Variants in GPR137C observed in about 807,000 individuals in gnomAD.
GPR137C encodes G protein-coupled receptor 137C, also known as integral membrane protein GPR137C.
In GPR137C, 27 loss-of-function variants were observed where a neutral mutation model predicts 43.4. The ratio of observed to expected loss-of-function variants is 0.62; its 90% CI spans 0.46 to 0.86. The LOEUF (loss-of-function observed/expected upper bound fraction) is 0.86, where lower values mean the gene tolerates loss of function less well. Among genes scored for constraint, GPR137C ranks in the 40% least tolerant of loss-of-function variants. GPR137C has a pLI of 0.00. For missense variants in GPR137C, 522 were observed against 534.6 expected (o/e 0.98, Z 0.23); for synonymous variants, 285 against 226.9 (o/e 1.26, Z -2.30).
chr14:52,624,833 T>C (rs903824494), intron 3 of GPR137C, among the ~76,000 whole-genome samples: 1 of 151,982 alleles, frequency 6.6e-6, no homozygotes, highest in African/African-American at 2.4e-5. Flanking sequence ...CATCAGTCAA[T>C]TTGATCTACA....
At chr14:52,620,649 A>C (rs1285948570) in intron 3 of GPR137C, among the ~76,000 whole-genome samples, 1 of 152,006 alleles carries the variant, frequency 6.6e-6, no homozygotes, top group Non-Finnish European at 1.5e-5. Flanking sequence ...TTATCAGACA[A>C]AGCATTTATA....
At chr14:52,567,254 C>T (rs1405904599) in intron 1 of GPR137C, among the ~76,000 whole-genome samples, 1 of 152,156 alleles carries the variant, frequency 6.6e-6, no homozygotes, top group Non-Finnish European at 1.5e-5. Context: ...GTACCTACCT[C>T]ATGGGGTTGT....
intron 3 of GPR137C, among the ~76,000 whole-genome samples, chr14:52,603,946 A>G (rs1312999123): frequency 1.3e-5 from 2 of 152,056 alleles, no homozygotes; most frequent in African/African-American, 4.8e-5. Flanking sequence ...TGTCTTTTTG[A>G]TAATAACCAT....
At chr14:52,606,612 A>T (rs1285479471) in intron 3 of GPR137C, among the ~76,000 whole-genome samples, 3 of 151,914 alleles carry the variant, frequency 2.0e-5, no homozygotes, top group Non-Finnish European at 2.9e-5. Flanking sequence ...AATTTTTTAA[A>T]TTTTTTGTAG....
intron 3 of GPR137C, among the ~76,000 whole-genome samples, chr14:52,614,648 C>T (rs1003581685): frequency 7.9e-5 from 12 of 151,922 alleles, no homozygotes; most frequent in African/African-American, 1.2e-4. Flanking sequence ...CCACCATGCC[C>T]GACTAATTTT....
chr14:52,599,228 T>A (rs4901288), intron 2 of GPR137C, among the ~76,000 whole-genome samples: 20,242 of 152,106 alleles, frequency 0.13, 1,435 homozygotes, highest in Non-Finnish European at 0.15. Context: ...GGGAAGAGAT[T>A]AAGGAGTTCA....
At chr14:52,614,520 C>A (rs922382765) in intron 3 of GPR137C, among the ~76,000 whole-genome samples, 2 of 151,852 alleles carry the variant, frequency 1.3e-5, no homozygotes, top group African/African-American at 2.4e-5. Context: ...AACAGTGACA[C>A]TCTGTTGACT....
intron 3 of GPR137C, among the ~76,000 whole-genome samples, chr14:52,605,738 G>A (rs769449839): frequency 3.3e-5 from 5 of 151,862 alleles, no homozygotes; most frequent in Non-Finnish European, 5.9e-5. Flanking sequence ...ATTTTTTTAC[G>A]GCTTTTATCA....
rs1213978697 is a variant in GPR137C, at chr14:52,632,164, T to A, written c.722T>A (p.Met241Lys). ...SANVYLESKGMSLCQTVVVGS... is the reference protein window; with the variant it reads ...SANVYLESKGKSLCQTVVVGS... The stretch of plus-strand genomic sequence containing the variant: ...GATGATTTTTATTTGTTTTAGGGTA[T>A]GTCTCTGTGCCAGACTGTCGTCGTG... The change falls in exon 4 of 7, where the codon ATG becomes AAG. Residue 241 changes from methionine (M) to lysine (K), a missense_variant. Physicochemically the swap from Met to Lys is moderately conservative, Grantham distance 95. This residue lies in a region of GPR137C where 437 missense variants were observed against 425.7 expected (regional missense o/e 1.03). Transcript: ENST00000321662. 3.7e-6 allele frequency: 6 copies of A among 1,600,122 alleles called. No individual in the cohort carries two copies. Among genetic ancestry groups the A allele is most frequent in the Non-Finnish European group, 5.1e-6 (6 of 1,168,734 alleles).
chr14:52,635,304 A>C lies in GPR137C; in HGVS notation c.*189A>C. 1 of 459,436 alleles carries C rather than the reference A, an allele frequency of 2.2e-6. No individual in the cohort carries two copies. Among genetic ancestry groups the C allele is most frequent in the Non-Finnish European group, 3.7e-6 (1 of 269,726 alleles). The allele number at this position is 459,436 out of a possible 1,614,324, so 28.5% of individuals were successfully genotyped here. Reference sequence around the variant, plus strand: ...TTCATAGTAAAATGAAGTAAAATGGAAAGTTTGGAGTAGGAGAAAAGAGAG... The same window carrying C: ...TTCATAGTAAAATGAAGTAAAATGGCAAGTTTGGAGTAGGAGAAAAGAGAG... On this transcript the variant is annotated 3_prime_UTR_variant, in exon 7 of 7. Coordinates refer to ENST00000321662, the MANE Select transcript of GPR137C (RefSeq NM_001099652.2).
intron 3 of GPR137C, among the ~76,000 whole-genome samples, chr14:52,620,944 TATC>T (rs1302866583): frequency 6.6e-6 from 1 of 151,830 alleles, no homozygotes; most frequent in African/African-American, 2.4e-5. Context: ...TATGTGTAAT[TATC>T]ATCCCCAAAG....
At chr14:52,625,196 G>A (rs2139573513) in intron 3 of GPR137C, among the ~76,000 whole-genome samples, 1 of 152,204 alleles carries the variant, frequency 6.6e-6, no homozygotes, top group South Asian at 2.1e-4. Flanking sequence ...AGAAAATAGA[G>A]GAGGGGGCTG....
At chr14:52,553,659 G>C in intron 1 of GPR137C, 68 bp downstream of exon 1, 3 of 862,048 alleles carry the variant, frequency 3.5e-6, no homozygotes, top group East Asian at 3.0e-5. Context: ...AACTCCCGCT[G>C]AGGACCAGCG....
At chr14:52,608,765 C>G (rs1463144088) in intron 3 of GPR137C, among the ~76,000 whole-genome samples, 1 of 151,974 alleles carries the variant, frequency 6.6e-6, no homozygotes, top group African/African-American at 2.4e-5. Flanking sequence ...TCACTCCTGG[C>G]CCGTAATGTT....
intron 1 of GPR137C, among the ~76,000 whole-genome samples, chr14:52,579,143 C>T (rs563590550): frequency 2.6e-5 from 4 of 152,150 alleles, no homozygotes; most frequent in East Asian, 1.9e-4. Context: ...AGGTCTATTC[C>T]AGCATTTTGA....
At chr14:52,591,511 A>G (rs1364825180) in intron 1 of GPR137C, among the ~76,000 whole-genome samples, 1 of 152,182 alleles carries the variant, frequency 6.6e-6, no homozygotes, top group Non-Finnish European at 1.5e-5. Flanking sequence ...CTTTTTAATG[A>G]TCACCATTCT....
At chr14:52,594,956 C>T (rs1268786886) in intron 1 of GPR137C, among the ~76,000 whole-genome samples, 2 of 152,092 alleles carry the variant, frequency 1.3e-5, no homozygotes, top group African/African-American at 4.8e-5. Context: ...GTGGCTGGTA[C>T]CGGTGTTTCT....
chr14:52,590,756 T>C lies in GPR137C; in HGVS notation c.445-7516T>C, dbSNP rs552353362. On this transcript the variant is annotated intron_variant, in intron 1 of 6. Transcript: ENST00000321662. ...TATACCATATGGCCTAGGTATGTAGTAGGCTATACCATCTAGGTTTGTGTA... is the reference window on the plus strand; with the variant it reads ...TATACCATATGGCCTAGGTATGTAGCAGGCTATACCATCTAGGTTTGTGTA... 5.3e-5 allele frequency among the ~76,000 whole-genome samples: 8 copies of C among 152,342 alleles called. No homozygotes were observed. In the South Asian group the frequency reaches 1.7e-3, roughly 32 times the overall value.
chr14:52,562,197 A>T (rs1204980435), intron 1 of GPR137C, among the ~76,000 whole-genome samples: 1 of 152,158 alleles, frequency 6.6e-6, no homozygotes, highest in Non-Finnish European at 1.5e-5. Context: ...AATGTACAAC[A>T]TGCAGCTCCA....
Sources: gnomAD v4.1 joint callset for allele counts (sites outside exome capture counted in the v4.1 genomes callset) on GRCh38, gnomAD v4.1.1 for gene constraint, gnomAD v4.1.1 regional missense constraint, MANE v1.5 for transcripts, NCBI Gene and HGNC (gene_info 2026-07-23, HGNC 2026-07-21) for gene names.